Variants in LMAN2 observed in about 807,000 individuals in gnomAD.
LMAN2 encodes vesicular integral-membrane protein VIP36.
A neutral mutation model predicts 39.3 loss-of-function variants in LMAN2; 22 were observed. The ratio of observed to expected loss-of-function variants is 0.56; its 90% confidence interval spans 0.40 to 0.80. LMAN2 has a LOEUF of 0.80. LMAN2 is among the 30% of genes least tolerant of loss of function. The pLI is 0.00. For synonymous variants in LMAN2, 207 were observed against 207.8 expected (o/e 1.00, Z 0.03); for missense variants, 494 against 505.4 (o/e 0.98, Z 0.22).
At chr5:177,348,883 CAAAAAAA>C (rs11314255) in intron 2 of LMAN2, among the ~76,000 whole-genome samples, 1 of 83,314 alleles carries the variant, frequency 1.2e-5, no homozygotes, top group South Asian at 4.0e-4. Flanking sequence ...GACTCCGTCT[CAAAAAAA>C]AAAAAAAAAA....
rs1290599018 is a variant in LMAN2, at chr5:177,351,599, GGC to G, written c.47_48del (p.Cys16SerfsTer32). 1.2e-6 allele frequency: 2 copies of G among 1,610,476 alleles called. No homozygotes were observed. Among genetic ancestry groups the G allele is most frequent in the Non-Finnish European group, 1.7e-6 (2 of 1,178,968 alleles). ...WIWRWGWGRR[C>X]LGRPGLLGPG... Reference sequence around the variant, plus strand: ...GGGCCGAGAAGCCCAGGCCTTCCCAGGCACCGCCGGCCCCAGCCCCAACGCCA... The same window carrying G: ...GGGCCGAGAAGCCCAGGCCTTCCCAGACCGCCGGCCCCAGCCCCAACGCCA... On this transcript the variant is annotated frameshift_variant, in exon 1 of 8. Coordinates refer to ENST00000303127, the MANE Select transcript of LMAN2 (RefSeq NM_006816.3). LOFTEE classifies it high-confidence loss of function.
At chr5:177,351,312 T>C (rs748066823) in intron 1 of LMAN2, 21 bp from the exon 2 acceptor site, 2 of 1,612,790 alleles carry the variant, frequency 1.2e-6, no homozygotes, top group Non-Finnish European at 1.7e-6. Flanking sequence ...AGACAGGTGC[T>C]AAGAGGCCAC....
At chr5:177,345,715 G>A (rs1761625567) in intron 2 of LMAN2, among the ~76,000 whole-genome samples, 1 of 151,440 alleles carries the variant, frequency 6.6e-6, no homozygotes, top group Admixed American at 6.6e-5. Context: ...GGTCAGGAAG[G>A]CTCGCAGCAG....
chr5:177,337,006 A>G lies in LMAN2; in HGVS notation c.790+130T>C. ...GGCCCGGACAGGCCATTTACAGAAGAAAGGAGGAGGAGGAACACAGCCAGG... is the reference window on the plus strand; with the variant it reads ...GGCCCGGACAGGCCATTTACAGAAGGAAGGAGGAGGAGGAACACAGCCAGG... On this transcript the variant is annotated intron_variant, in intron 6 of 7. Coordinates refer to ENST00000303127, the MANE Select transcript of LMAN2 (RefSeq NM_006816.3). This position sits in a 1 kb window ranked among gnomAD's most constrained non-coding sequence, Gnocchi z 8.2. The G allele has an allele frequency of 1.5e-6, 1 of 679,494 alleles. No homozygotes were observed. The highest frequency in any genetic ancestry group is 1.7e-5 in the South Asian group (1 of 57,698). The allele number at this position is 679,494 out of a possible 1,614,324, so 42.1% of individuals were successfully genotyped here.
chr5:177,341,463 CG>C (rs1174554887), intron 2 of LMAN2, among the ~76,000 whole-genome samples: 1 of 152,166 alleles, frequency 6.6e-6, no homozygotes, highest in Non-Finnish European at 1.5e-5. Flanking sequence ...GGCTTCACGG[CG>C]GGAACAGCGG....
intron 2 of LMAN2, among the ~76,000 whole-genome samples, chr5:177,346,738 G>A (rs1761643290): frequency 1.3e-5 from 2 of 151,702 alleles, no homozygotes; most frequent in African/African-American, 4.8e-5. Context: ...CTTGACTCAA[G>A]CAATCCTCCT....
At chr5:177,344,903 C>T (rs1326988932) in intron 2 of LMAN2, among the ~76,000 whole-genome samples, 1 of 147,134 alleles carries the variant, frequency 6.8e-6, no homozygotes, top group Non-Finnish European at 1.5e-5. Context: ...GAGACCCTGT[C>T]TCAAAAAAAG....
intron 2 of LMAN2, chr5:177,346,404 A>T: frequency 1.4e-6 from 1 of 739,294 alleles, no homozygotes; most frequent in Non-Finnish European, 1.9e-6. Context: ...TTGAGGTGGA[A>T]GTCACCATTG....
At chr5:177,333,694 T>C (rs890135383) in intron 7 of LMAN2, among the ~76,000 whole-genome samples, 2 of 152,218 alleles carry the variant, frequency 1.3e-5, no homozygotes, top group Non-Finnish European at 2.9e-5. Context: ...CACACACAGA[T>C]GCCTCATTCC....
chr5:177,350,336 G>A (rs574837433), intron 2 of LMAN2, among the ~76,000 whole-genome samples: 1 of 152,352 alleles, frequency 6.6e-6, no homozygotes, highest in South Asian at 2.1e-4. Flanking sequence ...GGCAGGAGCA[G>A]GTCCCGCTCC....
rs780131066 is a variant in LMAN2 at position 177,344,090 on chromosome 5, T to C, written c.316-5485A>G. ...AAAATTAGCCAGGCACAATAGCACATGCCTTGTAATCCCAGCTACTCAGGA... is the reference window on the plus strand; with the variant it reads ...AAAATTAGCCAGGCACAATAGCACACGCCTTGTAATCCCAGCTACTCAGGA... On this transcript the variant is annotated intron_variant, in intron 2 of 7. Transcript: ENST00000303127. 4.3e-4 allele frequency among the ~76,000 whole-genome samples: 65 copies of C among 150,954 alleles called. 1 individual carries two copies. Among genetic ancestry groups the C allele is most frequent in the Non-Finnish European group, 7.1e-4 (48 of 67,804 alleles).
At chr5:177,336,990 A>C in intron 6 of LMAN2, 146 bp downstream of exon 6, 48 of 612,748 alleles carry the variant, frequency 7.8e-5, no homozygotes, top group East Asian at 1.2e-4. Context: ...AGGCCCGGAC[A>C]GGCCATTTAC....
rs1718963883 is a variant in LMAN2, at chr5:177,332,401, A to G, written c.911-155T>C. ...CCGGGGAGGGGCAGAGGTCAGGTGA[A>G]GCCCATCCCAGCCAGCTCTGCAGTC... is the stretch of plus-strand genomic sequence containing the variant. On this transcript the variant is annotated intron_variant, in intron 7 of 7. Transcript: ENST00000303127. This position sits in a 1 kb window ranked among gnomAD's most constrained non-coding sequence, Gnocchi z 6.3. The G allele has an allele frequency of 7.6e-6, 5 of 660,076 alleles. No individual in the cohort carries two copies. Among genetic ancestry groups the G allele is most frequent in the South Asian group, 1.9e-5 (1 of 53,272 alleles). The allele number at this position is 660,076 out of a possible 1,614,324, so 40.9% of individuals were successfully genotyped here.
rs1761503570 is a variant in LMAN2, at chr5:177,338,261, T to C, written c.433+227A>G. 2.0e-5 allele frequency among the ~76,000 whole-genome samples: 3 copies of C among 152,240 alleles called. No individual in the cohort carries two copies. In the South Asian group the frequency reaches 6.2e-4, roughly 32 times the overall value. Reference sequence around the variant, plus strand: ...AAACCAGGCCAATGAGGGTGTAGGGTTGAGCTGCAGGACCCAGCTGCTCCT... The same window carrying C: ...AAACCAGGCCAATGAGGGTGTAGGGCTGAGCTGCAGGACCCAGCTGCTCCT... On this transcript the variant is annotated intron_variant, in intron 3 of 7. Coordinates refer to ENST00000303127, the MANE Select transcript of LMAN2 (RefSeq NM_006816.3).
chr5:177,332,018 A>G lies in LMAN2; in HGVS notation c.*68T>C. ...TAAGGTCATCTTGTTGTTCTTTTAT[A>G]ATCCCGGTAAAAAAAAAAGTTCACA... On this transcript the variant is annotated 3_prime_UTR_variant, in exon 8 of 8. Coordinates refer to ENST00000303127, the MANE Select transcript of LMAN2 (RefSeq NM_006816.3). This position sits in a 1 kb window ranked among gnomAD's most constrained non-coding sequence, Gnocchi z 6.3. 7.0e-7 allele frequency: 1 copy of G among 1,418,592 alleles called. No individual in the cohort carries two copies. 87.9% of individuals were successfully genotyped at this position (1,418,592 alleles called of 1,614,324 possible).
chr5:177,345,913 G>A (rs1162183441), intron 2 of LMAN2, among the ~76,000 whole-genome samples: 1 of 151,864 alleles, frequency 6.6e-6, no homozygotes, highest in East Asian at 1.9e-4. Context: ...GACTACAAGC[G>A]CCCGCCACCA....
chr5:177,348,873 G>T (rs1401686225), intron 2 of LMAN2, among the ~76,000 whole-genome samples: 1 of 112,732 alleles, frequency 8.9e-6, no homozygotes, highest in Non-Finnish European at 1.7e-5. Context: ...GACAGAACAA[G>T]ACTCCGTCTC....
intron 6 of LMAN2, among the ~76,000 whole-genome samples, chr5:177,335,951 G>A (rs1012593282): frequency 2.0e-5 from 3 of 152,188 alleles, no homozygotes; most frequent in Non-Finnish European, 4.4e-5. Context: ...ACGGCCTGGT[G>A]ACCAGTGAGG....
In LMAN2 at chr5:177,334,341, C is replaced by T. The variant is rs752157302; in HGVS notation, c.853G>A (p.Glu285Lys). ...TCGATCTTGGTCCAGTCGATGCTCT[C>T]CTCGTCGGGCGTGTGCTCCACCATC... ...QLMVEHTPDEESIDWTKIEPS... is the reference protein window; with the variant it reads ...QLMVEHTPDEKSIDWTKIEPS... Residue 285 changes from glutamate (E) to lysine (K), a missense_variant, in exon 7 of 8, where the codon GAG becomes AAG. Physicochemically the swap from Glu to Lys is moderately conservative, Grantham distance 56. Transcript: ENST00000303127. 5 of 1,613,470 alleles carry T rather than the reference C, an allele frequency of 3.1e-6. No homozygotes were observed. Among genetic ancestry groups the T allele is most frequent in the African/African-American group, 2.7e-5 (2 of 74,948 alleles).
Sources: allele counts gnomAD v4.1 joint callset (sites outside exome capture counted in the v4.1 genomes callset), GRCh38; gene constraint gnomAD v4.1.1; non-coding constraint Gnocchi (gnomAD v3.1); transcripts MANE v1.5; gene names NCBI Gene and HGNC (gene_info 2026-07-23, HGNC 2026-07-21).